The following TUT1 variants were observed in gnomAD, a reference collection of about 807,000 sequenced individuals.
TUT1 encodes terminal uridylyl transferase 1, U6 snRNA-specific, also known as speckle targeted PIP5K1A-regulated poly(A) polymerase.
TUT1 carries 26 observed loss-of-function variants against 48.8 expected under a neutral mutation model. That is an observed-to-expected ratio of 0.53 (90% CI 0.39 to 0.74). TUT1 has a LOEUF of 0.74. TUT1 is among the 30% of genes least tolerant of loss of function. The probability of loss-of-function intolerance (pLI) is 0.00; values close to 1 mark genes in which losing one functional copy is unlikely to be tolerated. For synonymous variants in TUT1, 470 were observed against 460.8 expected (o/e 1.02, Z -0.26); for missense variants, 1,065 against 1,114.8 (o/e 0.96, Z 0.64).
intron 2 of TUT1, among the ~76,000 whole-genome samples, chr11:62,586,553 C>A (rs1941918546): frequency 6.6e-6 from 1 of 152,224 alleles, no homozygotes; most frequent in Admixed American, 6.5e-5. Flanking sequence ...CTGAGGTGGG[C>A]AGATCACTTG....
intron 2 of TUT1, among the ~76,000 whole-genome samples, chr11:62,583,443 C>T (rs1227885510): frequency 6.6e-6 from 1 of 152,004 alleles, no homozygotes; most frequent in Non-Finnish European, 1.5e-5. Context: ...AACCCCATCT[C>T]CACTAAAAAT....
intron 2 of TUT1, among the ~76,000 whole-genome samples, chr11:62,583,198 A>G (rs956247555): frequency 7.2e-5 from 11 of 152,036 alleles, no homozygotes; most frequent in African/African-American, 2.4e-4. Flanking sequence ...AAACTCATAA[A>G]CCCTGTCTTC....
At chr11:62,576,275 G>A (rs1027798269) in intron 8 of TUT1, 31 bp from the exon 9 acceptor site, 26 of 1,510,956 alleles carry the variant, frequency 1.7e-5, no homozygotes, top group Non-Finnish European at 2.3e-5. Flanking sequence ...GGGAAAGGGG[G>A]GTCACTTAGA....
chr11:62,589,238 G>T lies in TUT1; in HGVS notation c.83-17C>A. 1.2e-6 allele frequency: 2 copies of T among 1,612,112 alleles called. No individual in the cohort carries two copies. The highest frequency in any genetic ancestry group is 3.4e-4 in the Middle Eastern group (2 of 5,902). ...GGCTGGGTCCTGCAAAGACAAGTGT[G>T]AGACAAAAACATGCAAAGCACTCTT... is the stretch of plus-strand genomic sequence containing the variant. On this transcript the variant is annotated splice_polypyrimidine_tract_variant and intron_variant, in intron 1 of 8. Transcript: ENST00000476907.
intron 3 of TUT1, 26 bp from the exon 4 acceptor site, chr11:62,581,232 T>A: frequency 1.9e-6 from 3 of 1,608,668 alleles, no homozygotes; most frequent in African/African-American, 1.3e-5. Flanking sequence ...AGAAGAAAGG[T>A]CAAGAGAAGT....
intron 2 of TUT1, among the ~76,000 whole-genome samples, chr11:62,583,749 G>A (rs1941867563): frequency 6.6e-6 from 1 of 152,202 alleles, no homozygotes; most frequent in South Asian, 2.1e-4. Context: ...CCAAGACAGA[G>A]TGGTGCTAGC....
chr11:62,583,020 AGGGAG>A (rs1305577304), intron 2 of TUT1, among the ~76,000 whole-genome samples: 1 of 149,266 alleles, frequency 6.7e-6, no homozygotes, highest in Non-Finnish European at 1.5e-5. Flanking sequence ...CCCAGCTACT[AGGGAG>A]GCTAAGGCAG....
chr11:62,576,103 A>C lies in TUT1; in HGVS notation c.1616T>G (p.Leu539Arg). 6 of 1,614,020 alleles carry C rather than the reference A, an allele frequency of 3.7e-6. No homozygotes were observed. Among genetic ancestry groups the C allele is most frequent in the Non-Finnish European group, 5.1e-6 (6 of 1,180,028 alleles). The change falls in exon 9 of 9, where the codon CTG becomes CGG. Residue 539 changes from leucine (L) to arginine (R), a missense_variant. Leu to Arg is a moderately radical substitution (Grantham distance 102). Coordinates refer to ENST00000476907, the MANE Select transcript of TUT1 (RefSeq NM_022830.3). ...NLWEGLRLGP[L>R]NLQDPFDLSH... is the part of the protein sequence containing the mutation. ...CAGGTCAAAAGGGTCCTGGAGATTC[A>C]GGGGGCCAAGGCGCAGACCCTCCCA...
chr11:62,590,153 G>A (rs1941985547), intron 1 of TUT1, among the ~76,000 whole-genome samples: 2 of 152,236 alleles, frequency 1.3e-5, no homozygotes, highest in African/African-American at 2.4e-5. Flanking sequence ...ACAGTGAAAA[G>A]GAAGAATGGA....
At chr11:62,581,013 G>C in intron 4 of TUT1, 93 bp downstream of exon 4, 1 of 903,930 alleles carries the variant, frequency 1.1e-6, no homozygotes, top group Admixed American at 2.1e-5. Flanking sequence ...TGTAGATGAG[G>C]AACTAAGACA....
chr11:62,589,146 T>C lies in TUT1; in HGVS notation c.158A>G (p.Gln53Arg). The C allele has an allele frequency of 1.2e-6, 2 of 1,614,256 alleles. No individual in the cohort carries two copies. The highest frequency in any genetic ancestry group is 1.6e-4 in the Middle Eastern group (1 of 6,062). The change falls in exon 2 of 9, where the codon CAG becomes CGG. Residue 53 changes from glutamine to arginine, a missense_variant. Coordinates refer to ENST00000476907, the MANE Select transcript of TUT1 (RefSeq NM_022830.3). ...ACTGACAAACACACTTCGAAGTCCC[T>C]GGGCCTTTCTCGCAGCTCGTAGTTC... ...LVELRAARKA[Q>R]GLRSVFVSGF... is the part of the protein sequence containing the mutation.
intron 2 of TUT1, among the ~76,000 whole-genome samples, chr11:62,586,427 G>A (rs1941916141): frequency 1.3e-5 from 2 of 152,224 alleles, no homozygotes; most frequent in Non-Finnish European, 2.9e-5. Context: ...GAGATTAGAT[G>A]CAAGTGTACA....
At position 62,578,908 on chromosome 11, in the gene TUT1, C is replaced by G. The variant is rs908251878; in HGVS notation, c.813G>C (p.Gln271His). The change falls in exon 5 of 9, where the codon CAG becomes CAC. Residue 271 changes from glutamine (Q) to histidine (H), a missense_variant. Coordinates refer to ENST00000476907, the MANE Select transcript of TUT1 (RefSeq NM_022830.3). Reference protein sequence around the residue: ...PPDSQPPASPQDSEALDFETP... With the variant: ...PPDSQPPASPHDSEALDFETP... ...TTTCAAAGTCCAGGGCTTCAGAATC[C>G]TGGGGAGAAGCAGGAGGTTGTGAAT... is the stretch of plus-strand genomic sequence containing the variant. 2 of 1,588,466 alleles carry G rather than the reference C, an allele frequency of 1.3e-6. No individual in the cohort carries two copies. The highest frequency in any genetic ancestry group is 1.4e-5 in the African/African-American group (1 of 73,906).
Position 62,575,843 on chromosome 11 carries a change from C to CCCCA in TUT1, c.1875_1876insTGGG (p.Val626TrpfsTer47). 6.2e-7 allele frequency: 1 copy of CCCCA among 1,614,204 alleles called. No homozygotes were observed. ...TGGCACCCCAGTGCTTCCCTGAATA[C>CCCCA]CTGCACCAGGGCAGCAGTGAGCTGG... On this transcript the variant is annotated frameshift_variant, in exon 9 of 9. Coordinates refer to ENST00000476907, the MANE Select transcript of TUT1 (RefSeq NM_022830.3). LOFTEE classifies it low-confidence loss of function (END_TRUNC).
In TUT1 at chr11:62,581,213, G is replaced by A. The variant is rs778223943; in HGVS notation, c.590-7C>T. 3 of 1,613,518 alleles carry A rather than the reference G, an allele frequency of 1.9e-6. No homozygotes were observed. Among genetic ancestry groups the A allele is most frequent in the Non-Finnish European group, 1.7e-6 (2 of 1,179,520 alleles). ...AAAGGGTGGACCACACAGCCTGGGT[G>A]CCGAGCAGAGAAGAAAGGTCAAGAG... On this transcript the variant is annotated splice_region_variant and splice_polypyrimidine_tract_variant and intron_variant, in intron 3 of 8. Transcript: ENST00000476907.
intron 5 of TUT1, among the ~76,000 whole-genome samples, chr11:62,577,558 C>A (rs1389078410): frequency 1.3e-5 from 2 of 148,714 alleles, no homozygotes; most frequent in African/African-American, 2.5e-5. Flanking sequence ...GCACTCCAGC[C>A]TGGGTGACAG....
chr11:62,581,288 G>T, intron 3 of TUT1, 82 bp from the exon 4 acceptor site: 1 of 1,567,534 alleles, frequency 6.4e-7, no homozygotes, highest in South Asian at 1.1e-5. Context: ...AAAGATGGAA[G>T]AGCAACCAAA....
rs1941771083 is a variant in TUT1, at chr11:62,578,644, T to C, written c.1077A>G (p.Gln359=). 1 of 1,614,008 alleles carries C rather than the reference T, an allele frequency of 6.2e-7. No homozygotes were observed. Among genetic ancestry groups the C allele is most frequent in the Admixed American group, 1.7e-5 (1 of 59,986 alleles). ...CAGGGCGCCGGGCAGAGGGCACAGTTTGGACTCGATACACCCCAGGGACAC... is the reference window on the plus strand; with the variant it reads ...CAGGGCGCCGGGCAGAGGGCACAGTCTGGACTCGATACACCCCAGGGACAC... ...RGCVPGVYRV[Q]TVPSARRPVV... The change falls in exon 5 of 9, where the codon CAA becomes CAG. Residue 359 remains glutamine, a synonymous_variant. Coordinates refer to ENST00000476907, the MANE Select transcript of TUT1 (RefSeq NM_022830.3).
At chr11:62,578,185 C>T (rs1294442545) in intron 5 of TUT1, among the ~76,000 whole-genome samples, 3 of 151,864 alleles carry the variant, frequency 2.0e-5, no homozygotes, top group African/African-American at 7.3e-5. Flanking sequence ...CAAGGACAAA[C>T]TTGAGACTTG....
Sources: gnomAD v4.1 joint callset for allele counts (sites outside exome capture counted in the v4.1 genomes callset) on GRCh38, gnomAD v4.1.1 for gene constraint, MANE v1.5 for transcripts, NCBI Gene and HGNC (gene_info 2026-07-23, HGNC 2026-07-21) for gene names.